The following SIPA1L3 variants were observed in gnomAD, a reference collection of about 807,000 sequenced individuals.
The protein encoded by SIPA1L3 is signal induced proliferation associated 1 like 3, also known as signal-induced proliferation-associated 1-like protein 3.
In SIPA1L3, 59 loss-of-function variants were observed where a neutral mutation model predicts 150.1. That is an observed-to-expected ratio of 0.39 (90% CI 0.32 to 0.49). The LOEUF is 0.49. Ranked by LOEUF, SIPA1L3 falls within the 20% of genes least tolerant of loss-of-function variation. The probability of loss-of-function intolerance (pLI) is 0.86; values close to 1 mark genes in which losing one functional copy is unlikely to be tolerated. For missense variants in SIPA1L3, 2,211 were observed against 2,489.5 expected (o/e 0.89, Z 2.38); for synonymous variants, 1,070 against 1,077.6 (o/e 0.99, Z 0.14).
intron 19 of SIPA1L3, 68 bp downstream of exon 19, chr19:38,198,600 G>A: frequency 1.5e-6 from 2 of 1,322,394 alleles, no homozygotes; most frequent in Non-Finnish European, 9.8e-7. Context: ...ATTCATGGAG[G>A]GCCTCATGGC....
intron 1 of SIPA1L3, among the ~76,000 whole-genome samples, chr19:37,978,071 G>T (rs1214712280): frequency 6.6e-6 from 1 of 152,198 alleles, no homozygotes; most frequent in African/African-American, 2.4e-5. Context: ...AATAAATGGG[G>T]ACTAAATTAT....
intron 1 of SIPA1L3, among the ~76,000 whole-genome samples, chr19:37,961,535 T>C (rs915778487): frequency 5.9e-5 from 9 of 152,218 alleles, no homozygotes; most frequent in African/African-American, 2.2e-4. Flanking sequence ...TTCAACAATT[T>C]GACTATGTTT....
chr19:38,183,882 G>A (rs1333661157), intron 16 of SIPA1L3, among the ~76,000 whole-genome samples: 3 of 152,198 alleles, frequency 2.0e-5, no homozygotes, highest in Non-Finnish European at 4.4e-5. Flanking sequence ...AGGGTGATGA[G>A]ACTGAGAACC....
intron 1 of SIPA1L3, among the ~76,000 whole-genome samples, chr19:37,981,322 G>A (rs1967195732): frequency 6.6e-6 from 1 of 151,882 alleles, no homozygotes; most frequent in Admixed American, 6.6e-5. Flanking sequence ...TACTCAGGAG[G>A]CTGAAGTGGG....
intron 1 of SIPA1L3, among the ~76,000 whole-genome samples, chr19:37,966,560 G>C (rs2046906050): frequency 6.6e-6 from 1 of 152,150 alleles, no homozygotes; most frequent in Non-Finnish European, 1.5e-5. Flanking sequence ...GTCCATCTGG[G>C]GCAGGCTCTG....
At position 38,192,275 on chromosome 19, in the gene SIPA1L3, G is replaced by A; in HGVS notation, c.4561G>A (p.Asp1521Asn). ...TGACCTGAAGAAACTCATCATCATG[G>A]ACAACCTGGGGCCAGAGCAGGAGAG... ...EDDLKKLIIM[D>N]NLGPEQERDT... The change falls in exon 17 of 22, where the codon GAC (aspartate) becomes AAC (asparagine). Residue 1521 changes from aspartate (D) to asparagine (N), a missense_variant. This residue lies in a region of SIPA1L3 where 806 missense variants were observed against 870.1 expected (regional missense o/e 0.93). Transcript: ENST00000222345. 6.2e-7 allele frequency: 1 copy of A among 1,612,792 alleles called. No homozygotes were observed. Among genetic ancestry groups the A allele is most frequent in the Non-Finnish European group, 8.5e-7 (1 of 1,179,412 alleles).
At chr19:37,987,673 CT>C (rs1219849735) in intron 1 of SIPA1L3, among the ~76,000 whole-genome samples, 4 of 152,198 alleles carry the variant, frequency 2.6e-5, no homozygotes, top group African/African-American at 9.6e-5. Context: ...CTGGGACCCC[CT>C]AGGCCAGCTG....
chr19:37,996,378 C>T lies in SIPA1L3; in HGVS notation c.-378-32711C>T, dbSNP rs111922697. ...GTATCTGGATTTACAGGCGGGAGCC[C>T]AGCCTTTATTGTTTTTAATTGATAA... On this transcript the variant is annotated intron_variant, in intron 1 of 21. Coordinates refer to ENST00000222345, the MANE Select transcript of SIPA1L3 (RefSeq NM_015073.3). 9.5e-3 allele frequency among the ~76,000 whole-genome samples: 1,449 copies of T among 152,186 alleles called. 30 individuals are homozygous for T. Among genetic ancestry groups the T allele is most frequent in the African/African-American group, 0.033 (1,372 of 41,530 alleles).
chr19:38,117,198 G>A (rs1445838585), intron 8 of SIPA1L3, among the ~76,000 whole-genome samples: 2 of 152,210 alleles, frequency 1.3e-5, no homozygotes, highest in Non-Finnish European at 2.9e-5. Flanking sequence ...GGGTTGGAGT[G>A]TAGGGAGGAA....
intron 1 of SIPA1L3, among the ~76,000 whole-genome samples, chr19:37,952,362 G>C (rs756878717): frequency 2.0e-5 from 3 of 149,670 alleles, no homozygotes; most frequent in Non-Finnish European, 4.5e-5. Flanking sequence ...GTGGACCCTA[G>C]AATCTATATT....
intron 2 of SIPA1L3, among the ~76,000 whole-genome samples, chr19:38,071,309 CAG>C (rs1340915303): frequency 6.6e-6 from 1 of 152,050 alleles, no homozygotes; most frequent in African/African-American, 2.4e-5. Flanking sequence ...TATGTAGTGA[CAG>C]AGTCTCACTT....
chr19:38,142,748 G>C lies in SIPA1L3; in HGVS notation c.3533+38G>C, dbSNP rs746374107. On this transcript the variant is annotated intron_variant, in intron 12 of 21. Transcript: ENST00000222345. ...CAATTCTTTTCATGTTAAGGGATCT[G>C]ATGAAAGCTGTGCCTCCTTCTTCCC... 139 of 1,582,182 alleles carry C rather than the reference G, an allele frequency of 8.8e-5. 1 individual carries two copies. In the Middle Eastern group the frequency reaches 2.0e-3, roughly 23 times the overall value.
chr19:38,053,973 G>T (rs1969262147), intron 2 of SIPA1L3, among the ~76,000 whole-genome samples: 2 of 152,076 alleles, frequency 1.3e-5, no homozygotes, highest in South Asian at 4.2e-4. Context: ...TACAAATGAG[G>T]CAACTGAGGC....
intron 1 of SIPA1L3, among the ~76,000 whole-genome samples, chr19:37,922,242 C>T (rs1270607351): frequency 6.6e-6 from 1 of 152,026 alleles, no homozygotes; most frequent in African/African-American, 2.4e-5. Flanking sequence ...CCTGCCACCA[C>T]ACCCAGCTAA....
intron 1 of SIPA1L3, among the ~76,000 whole-genome samples, chr19:38,019,324 G>A (rs1181935588): frequency 6.6e-6 from 1 of 152,138 alleles, no homozygotes; most frequent in Non-Finnish European, 1.5e-5. Flanking sequence ...CCTAGCACAG[G>A]GCCTTTGTCC....
chr19:38,078,438 G>GCACGCACACACA (rs112384687), intron 2 of SIPA1L3, among the ~76,000 whole-genome samples: 4 of 139,004 alleles, frequency 2.9e-5, no homozygotes, highest in African/African-American at 1.1e-4. Flanking sequence ...GCGCATACAT[G>GCACGCACACACA]CACACACACA....
At chr19:38,103,644 G>T (rs1970556328) in intron 6 of SIPA1L3, among the ~76,000 whole-genome samples, 1 of 151,120 alleles carries the variant, frequency 6.6e-6, no homozygotes, top group Admixed American at 6.6e-5. Flanking sequence ...AAAAAAAGGG[G>T]CCGGGCGCGG....
intron 11 of SIPA1L3, 44 bp from the exon 12 acceptor site, chr19:38,142,529 C>T (rs1469100587): frequency 1.9e-6 from 3 of 1,570,618 alleles, no homozygotes. Context: ...CAGGGGTACC[C>T]TCCTACTCAC....
intron 1 of SIPA1L3, among the ~76,000 whole-genome samples, chr19:37,974,570 T>A (rs1359381288): frequency 6.6e-6 from 1 of 151,424 alleles, no homozygotes; most frequent in East Asian, 1.9e-4. Context: ...ACAGAGAGTC[T>A]GGTTCTAGCC....
Sources: allele counts gnomAD v4.1 joint callset (sites outside exome capture counted in the v4.1 genomes callset), GRCh38; gene constraint gnomAD v4.1.1; regional missense constraint gnomAD v4.1.1; transcripts MANE v1.5; gene names NCBI Gene and HGNC (gene_info 2026-07-23, HGNC 2026-07-21).